The following LRRC4C variants were observed in gnomAD, a reference collection of about 807,000 sequenced individuals.
LRRC4C encodes the protein leucine rich repeat containing 4C, also known as leucine-rich repeat-containing protein 4C.
LRRC4C carries 5 observed loss-of-function variants against 33.6 expected under a neutral mutation model. The ratio of observed to expected loss-of-function variants is 0.15; its 90% CI spans 0.08 to 0.31. The LOEUF is 0.31. LRRC4C is among the 10% of genes least tolerant of loss of function. The probability of loss-of-function intolerance (pLI) is 1.00; values close to 1 mark genes in which losing one functional copy is unlikely to be tolerated. For missense variants in LRRC4C, 560 were observed against 796.7 expected (o/e 0.70, Z 3.58); for synonymous variants, 329 against 302.0 (o/e 1.09, Z -0.93).
chr11:40,492,561 C>T (rs1954214399), intron 3 of LRRC4C, among the ~76,000 whole-genome samples: 1 of 152,132 alleles, frequency 6.6e-6, no homozygotes, highest in South Asian at 2.1e-4. Flanking sequence ...CTTGTCTCTT[C>T]CTTCTGCACC....
At chr11:40,684,923 T>A (rs970602053) in intron 2 of LRRC4C, among the ~76,000 whole-genome samples, 8 of 152,024 alleles carry the variant, frequency 5.3e-5, no homozygotes, top group African/African-American at 1.9e-4. Flanking sequence ...TAGAAGAAGA[T>A]ATTTTCAAAA....
At chr11:40,515,186 A>G (rs1955512741) in intron 3 of LRRC4C, among the ~76,000 whole-genome samples, 1 of 152,130 alleles carries the variant, frequency 6.6e-6, no homozygotes, top group African/African-American at 2.4e-5. Flanking sequence ...TTTAATTAAC[A>G]TGTAAAAATA....
At chr11:40,839,322 C>T (rs1432793205) in intron 2 of LRRC4C, among the ~76,000 whole-genome samples, 1 of 152,120 alleles carries the variant, frequency 6.6e-6, no homozygotes, top group East Asian at 1.9e-4. Context: ...GCAACCTCCG[C>T]CTCAGCAATT....
At chr11:41,374,146 T>C (rs1275485288) in intron 1 of LRRC4C, among the ~76,000 whole-genome samples, 1 of 152,192 alleles carries the variant, frequency 6.6e-6, no homozygotes, top group East Asian at 1.9e-4. Context: ...ACCATCTGTC[T>C]GAACTTCCTT....
chr11:40,197,949 G>A (rs1296770699), intron 5 of LRRC4C, among the ~76,000 whole-genome samples: 1 of 152,092 alleles, frequency 6.6e-6, no homozygotes, highest in East Asian at 1.9e-4. Context: ...TAGAAAACAA[G>A]CTAGACATGA....
At chr11:40,763,818 A>G (rs1949334655) in intron 2 of LRRC4C, among the ~76,000 whole-genome samples, 1 of 152,224 alleles carries the variant, frequency 6.6e-6, no homozygotes. Context: ...CCTAAGTTCC[A>G]GCTAGCCCAA....
chr11:41,171,225 A>C (rs1944962886), intron 1 of LRRC4C, among the ~76,000 whole-genome samples: 1 of 152,158 alleles, frequency 6.6e-6, no homozygotes, highest in Non-Finnish European at 1.5e-5. Context: ...AACTAGAAAC[A>C]CCATTTGATC....
intron 4 of LRRC4C, among the ~76,000 whole-genome samples, chr11:40,259,449 C>T (rs10742535): frequency 0.5 from 72,792 of 144,510 alleles, 17,630 homozygotes; most frequent in Middle Eastern, 0.69. Flanking sequence ...GCTTTTGTTG[C>T]CATTGCTTTT....
chr11:41,329,920 A>G (rs1407433403), intron 1 of LRRC4C, among the ~76,000 whole-genome samples: 4 of 152,228 alleles, frequency 2.6e-5, no homozygotes, highest in Admixed American at 2.0e-4. Context: ...AAGCAGACAT[A>G]TCATTATCTA....
chr11:40,754,624 C>T (rs935964191), intron 2 of LRRC4C, among the ~76,000 whole-genome samples: 6 of 152,100 alleles, frequency 3.9e-5, no homozygotes, highest in African/African-American at 1.4e-4. Context: ...ATGCACCATA[C>T]TCCCTGTGGT....
intron 1 of LRRC4C, among the ~76,000 whole-genome samples, chr11:41,359,593 G>A (rs949917397): frequency 1.1e-4 from 16 of 152,044 alleles, no homozygotes; most frequent in Admixed American, 2.6e-4. Flanking sequence ...AATAGATACC[G>A]GTGAAACATA....
intron 2 of LRRC4C, among the ~76,000 whole-genome samples, chr11:40,921,201 G>A (rs1957160862): frequency 6.6e-6 from 1 of 152,146 alleles, no homozygotes; most frequent in African/African-American, 2.4e-5. Context: ...GGGATTACAG[G>A]CCTAAGCCAC....
chr11:41,332,697 G>C (rs1951333131), intron 1 of LRRC4C, among the ~76,000 whole-genome samples: 1 of 152,084 alleles, frequency 6.6e-6, no homozygotes, highest in Admixed American at 6.6e-5. Context: ...TTTCAACAAT[G>C]GTATCTTTCA....
chr11:40,488,316 C>T (rs1194815877), intron 3 of LRRC4C, among the ~76,000 whole-genome samples: 1 of 152,010 alleles, frequency 6.6e-6, no homozygotes, highest in Non-Finnish European at 1.5e-5. Flanking sequence ...TCTTCAGTGG[C>T]CTTCCTGGCA....
chr11:40,517,866 C>T (rs1324667310), intron 3 of LRRC4C, among the ~76,000 whole-genome samples: 1 of 152,120 alleles, frequency 6.6e-6, no homozygotes, highest in African/African-American at 2.4e-5. Context: ...AACTATACTA[C>T]AAGTCTACAA....
At chr11:40,693,659 A>G (rs1265284977) in intron 2 of LRRC4C, among the ~76,000 whole-genome samples, 3 of 152,068 alleles carry the variant, frequency 2.0e-5, no homozygotes, top group South Asian at 2.1e-4. Context: ...TTGTCAAGAG[A>G]GATTATTGAA....
chr11:41,078,544 T>C (rs1448440732), intron 1 of LRRC4C, among the ~76,000 whole-genome samples: 1 of 152,124 alleles, frequency 6.6e-6, no homozygotes, highest in African/African-American at 2.4e-5. Context: ...GGTCTCACAA[T>C]GGCAGGGCAG....
intron 1 of LRRC4C, among the ~76,000 whole-genome samples, chr11:41,195,885 C>T (rs1946158469): frequency 6.6e-6 from 1 of 151,966 alleles, no homozygotes. Flanking sequence ...TTTTGTGCAT[C>T]AAATCTAATT....
intron 2 of LRRC4C, among the ~76,000 whole-genome samples, chr11:40,829,151 G>A (rs1489947431): frequency 6.6e-6 from 1 of 151,906 alleles, no homozygotes; most frequent in Non-Finnish European, 1.5e-5. Flanking sequence ...GAAGAATTCT[G>A]CTTTGATGCA....
Sources: allele counts gnomAD v4.1 joint callset (sites outside exome capture counted in the v4.1 genomes callset), GRCh38; gene constraint gnomAD v4.1.1; transcripts MANE v1.5; gene names NCBI Gene and HGNC (gene_info 2026-07-23, HGNC 2026-07-21).